TRIT1: variants seen among roughly 807,000 people sequenced by gnomAD.
TRIT1 encodes tRNA dimethylallyltransferase.
A neutral mutation model predicts 51.2 loss-of-function variants in TRIT1; 43 were observed. That is an observed-to-expected ratio of 0.84 (90% confidence interval 0.66 to 1.08). The LOEUF is 1.08. Among genes scored for constraint, TRIT1 ranks in the 50% least tolerant of loss-of-function variants. The probability of loss-of-function intolerance (pLI) is 0.00; values close to 1 mark genes in which losing one functional copy is unlikely to be tolerated. For synonymous variants in TRIT1, 184 were observed against 203.9 expected (o/e 0.90, Z 0.83); for missense variants, 528 against 578.4 (o/e 0.91, Z 0.89).
Position 39,841,783 on chromosome 1 carries a change from G to A in TRIT1, c.1365C>T (p.Ser455=), listed in dbSNP as rs768127290. The A allele has an allele frequency of 6.2e-7, 1 of 1,613,666 alleles. No individual in the cohort carries two copies. Among genetic ancestry groups the A allele is most frequent in the East Asian group, 2.2e-5 (1 of 44,872 alleles). ...DHNKEPKEKG[S]PGQNDQELKC... The stretch of plus-strand genomic sequence containing the variant: ...TCAGCTCTTGATCATTCTGCCCTGG[G>A]GATCCCTTCTCTTTAGGTTCTTTGT... Residue 455 remains serine, a synonymous_variant, in exon 11 of 11, where the codon TCC becomes TCT. Transcript: ENST00000316891.
chr1:39,882,993 T>C (rs1226217097), intron 1 of TRIT1, among the ~76,000 whole-genome samples: 1 of 152,226 alleles, frequency 6.6e-6, no homozygotes, highest in African/African-American at 2.4e-5. Flanking sequence ...GTCGACCTTG[T>C]AGGTTCAAAT....
chr1:39,874,138 TG>T (rs1288628315), intron 1 of TRIT1, among the ~76,000 whole-genome samples: 1 of 152,192 alleles, frequency 6.6e-6, no homozygotes, highest in African/African-American at 2.4e-5. Context: ...GAAACCAGCC[TG>T]GGTAACACAG....
chr1:39,855,919 T>C (rs1353364008), intron 2 of TRIT1, among the ~76,000 whole-genome samples: 1 of 152,092 alleles, frequency 6.6e-6, no homozygotes. Flanking sequence ...GGCTCACACT[T>C]GTAATTCCAG....
intron 10 of TRIT1, 134 bp from the exon 11 acceptor site, chr1:39,842,047 A>T (rs230310): frequency 1.0e-6 from 1 of 958,900 alleles, no homozygotes; most frequent in Non-Finnish European, 1.5e-6. Context: ...CACATGTACT[A>T]GTATAGCTGC....
In TRIT1 at chr1:39,854,027, C is replaced by T; in HGVS notation, c.357G>A (p.Val119=). 6.2e-7 allele frequency: 1 copy of T among 1,612,810 alleles called. No individual in the cohort carries two copies. The highest frequency in any genetic ancestry group is 8.5e-7 in the Non-Finnish European group (1 of 1,179,708). The change falls in exon 3 of 11, where the codon GTG becomes GTA. Residue 119 remains valine, a synonymous_variant. Transcript: ENST00000316891. ...ATTCAATGTAATAATTGGTTCCTCC[C>T]ACAACAATAGGAATTTTGTCTCGGG... ...IFARDKIPIV[V]GGTNYYIESL...
chr1:39,857,469 C>T (rs780817164), intron 1 of TRIT1, 52 bp from the exon 2 acceptor site: 33 of 1,589,364 alleles, frequency 2.1e-5, no homozygotes, highest in Non-Finnish European at 2.4e-5. Flanking sequence ...ATAAAAGATG[C>T]ATACTTAATG....
rs759937532 is a variant in TRIT1 at position 39,852,733 on chromosome 1, GGC to G, written c.556_557del (p.Ala186GlnfsTer7). 3 of 1,613,556 alleles carry G rather than the reference GGC, an allele frequency of 1.9e-6. No homozygotes were observed. Among genetic ancestry groups the G allele is most frequent in the Non-Finnish European group, 2.5e-6 (3 of 1,179,786 alleles). ...GTCAGCGCGCCAGGCTTTCTTACCT[GGC>G]CACTTTGCGTTTGTCATGTGGATGC... ...KLHPHDKRKV[A>X]RSLQVFEETG... On this transcript the variant is annotated frameshift_variant, in exon 4 of 11. Coordinates refer to ENST00000316891, the MANE Select transcript of TRIT1 (RefSeq NM_017646.6). LOFTEE classifies it high-confidence loss of function.
Position 39,841,617 on chromosome 1 carries a change from G to T in TRIT1, c.*127C>A. ...CTTTAAAACCACATCAAAAGAAAAT[G>T]GTGGGAGCTTTTCTGCTATGCAGAG... On this transcript the variant is annotated 3_prime_UTR_variant, in exon 11 of 11. Transcript: ENST00000316891. 1 of 947,146 alleles carries T rather than the reference G, an allele frequency of 1.1e-6. No individual in the cohort carries two copies. Among genetic ancestry groups the T allele is most frequent in the Non-Finnish European group, 1.5e-6 (1 of 659,520 alleles). 58.7% of individuals were successfully genotyped at this position (947,146 alleles called of 1,614,324 possible). A position where few individuals can be genotyped will look rare whatever the true frequency, so the allele number is the denominator to read the frequency against.
intron 1 of TRIT1, among the ~76,000 whole-genome samples, chr1:39,866,902 G>C (rs1450559722): frequency 6.6e-6 from 1 of 152,160 alleles, no homozygotes. Flanking sequence ...TGAGGTGGGA[G>C]GACTGCTTGA....
Position 39,847,538 on chromosome 1 carries a change from G to T in TRIT1, c.928+10C>A. ...ATGTCCAAGACTAGATTAGATGGAAGAATTCACACCTTTCTTTAGAAGCTG... is the reference window on the plus strand; with the variant it reads ...ATGTCCAAGACTAGATTAGATGGAATAATTCACACCTTTCTTTAGAAGCTG... On this transcript the variant is annotated intron_variant, in intron 7 of 10. Coordinates refer to ENST00000316891, the MANE Select transcript of TRIT1 (RefSeq NM_017646.6). The T allele has an allele frequency of 1.2e-6, 2 of 1,613,584 alleles. No homozygotes were observed. The highest frequency in any genetic ancestry group is 2.2e-5 in the East Asian group (1 of 44,888).
At chr1:39,880,268 T>TAAAA (rs1553148795) in intron 1 of TRIT1, among the ~76,000 whole-genome samples, 108 of 94,860 alleles carry the variant, frequency 1.1e-3, no homozygotes, top group African/African-American at 2.4e-3. Flanking sequence ...AGACCTCAAA[T>TAAAA]AAAAAAAAAA....
chr1:39,846,264 T>C (rs777125428), intron 8 of TRIT1, among the ~76,000 whole-genome samples: 1 of 152,202 alleles, frequency 6.6e-6, no homozygotes, highest in Non-Finnish European at 1.5e-5. Context: ...GATCAAGGTA[T>C]GTATTTTCAG....
chr1:39,882,801 C>T (rs1644304415), intron 1 of TRIT1, among the ~76,000 whole-genome samples: 1 of 152,202 alleles, frequency 6.6e-6, no homozygotes, highest in South Asian at 2.1e-4. Context: ...TCCGAAGTCA[C>T]ATGGCCAATG....
chr1:39,842,474 C>T (rs929306779), intron 10 of TRIT1, among the ~76,000 whole-genome samples: 25 of 152,162 alleles, frequency 1.6e-4, no homozygotes, highest in African/African-American at 4.6e-4. Flanking sequence ...GTCATGTGAA[C>T]GACTCTCTGG....
At chr1:39,880,306 A>C (rs1644218566) in intron 1 of TRIT1, among the ~76,000 whole-genome samples, 3 of 151,624 alleles carry the variant, frequency 2.0e-5, no homozygotes, top group Non-Finnish European at 2.9e-5. Flanking sequence ...AGAAACTGTA[A>C]ACATTTGGTA....
Position 39,841,546 on chromosome 1 carries a change from C to T in TRIT1, c.*198G>A, listed in dbSNP as rs934568539. On this transcript the variant is annotated 3_prime_UTR_variant, in exon 11 of 11. Coordinates refer to ENST00000316891, the MANE Select transcript of TRIT1 (RefSeq NM_017646.6). ...ATCATTTCCAGACACATCAGCCACA[C>T]AAGGAGCTGACAAGACCTGCTGTTT... 2.4e-5 allele frequency: 12 copies of T among 492,176 alleles called. No homozygotes were observed. The highest frequency in any genetic ancestry group is 3.2e-5 in the Non-Finnish European group (9 of 284,344). The allele number at this position is 492,176 out of a possible 1,614,324, so 30.5% of individuals were successfully genotyped here. A position where few individuals can be genotyped will look rare whatever the true frequency, so the allele number is the denominator to read the frequency against.
chr1:39,871,425 C>A (rs896646841), intron 1 of TRIT1, among the ~76,000 whole-genome samples: 2 of 151,940 alleles, frequency 1.3e-5, no homozygotes, highest in Admixed American at 1.3e-4. Context: ...ACAAAAAATA[C>A]AAAAATGAGC....
In TRIT1 at chr1:39,848,087, C is replaced by T; in HGVS notation, c.714G>A (p.Glu238=). The T allele has an allele frequency of 6.2e-7, 1 of 1,614,090 alleles. No homozygotes were observed. The highest frequency in any genetic ancestry group is 8.5e-7 in the Non-Finnish European group (1 of 1,179,954). The change falls in exon 6 of 11, where the codon GAG becomes GAA. Residue 238 remains glutamate, a synonymous_variant. Coordinates refer to ENST00000316891, the MANE Select transcript of TRIT1 (RefSeq NM_017646.6). ...WLHADQAVLD[E]RLDKRVDDML... ...TGTCATCCACCCTCTTATCCAAGCGCTCATCTAGAACTTGAATCAAATTAG... is the reference window on the plus strand; with the variant it reads ...TGTCATCCACCCTCTTATCCAAGCGTTCATCTAGAACTTGAATCAAATTAG...
intron 1 of TRIT1, among the ~76,000 whole-genome samples, chr1:39,880,276 A>G (rs1172113976): frequency 6.8e-6 from 1 of 146,144 alleles, no homozygotes; most frequent in East Asian, 1.9e-4. Flanking sequence ...AATAAAAAAA[A>G]AAAAAAAAAA....
Sources: gnomAD v4.1 joint callset for allele counts (sites outside exome capture counted in the v4.1 genomes callset) on GRCh38, gnomAD v4.1.1 for gene constraint, MANE v1.5 for transcripts, NCBI Gene and HGNC (gene_info 2026-07-23, HGNC 2026-07-21) for gene names.